KCNK18: variants seen among roughly 807,000 people sequenced by gnomAD.
KCNK18 encodes the protein potassium channel subfamily K member 18.
A neutral mutation model predicts 11.8 loss-of-function variants in KCNK18; 8 were observed. The observed-to-expected ratio is 0.68, with a 90% confidence interval of 0.40 to 1.22. The LOEUF (loss-of-function observed/expected upper bound fraction) is 1.22. KCNK18 is among the 50% of genes most tolerant of loss of function. The pLI, the probability that KCNK18 is intolerant of heterozygous loss-of-function variation, is 0.01. For synonymous variants in KCNK18, 208 were observed against 185.8 expected (o/e 1.12, Z -0.97); for missense variants, 442 against 465.4 (o/e 0.95, Z 0.46).
intron 2 of KCNK18, among the ~76,000 whole-genome samples, chr10:117,206,334 A>G (rs1855075820): frequency 6.6e-6 from 1 of 152,036 alleles, no homozygotes. Context: ...TCTGCCTCTG[A>G]GGTCATATTA....
At chr10:117,206,176 G>A (rs984820351) in intron 2 of KCNK18, among the ~76,000 whole-genome samples, 4 of 152,070 alleles carry the variant, frequency 2.6e-5, no homozygotes, top group Non-Finnish European at 4.4e-5. Context: ...CCAGAAATTC[G>A]AAATCAGTTT....
intron 2 of KCNK18, among the ~76,000 whole-genome samples, chr10:117,202,737 C>T (rs981905661): frequency 1.3e-5 from 2 of 152,140 alleles, no homozygotes; most frequent in Non-Finnish European, 2.9e-5. Flanking sequence ...CCTAAATCAG[C>T]TGGGGGAGCA....
chr10:117,201,333 T>G (rs750776323), intron 2 of KCNK18, 46 bp downstream of exon 2: 4 of 1,604,042 alleles, frequency 2.5e-6, no homozygotes, highest in Non-Finnish European at 3.4e-6. Context: ...CTGTGAAGGG[T>G]GGGTTTCTGG....
intron 2 of KCNK18, among the ~76,000 whole-genome samples, chr10:117,208,759 A>G (rs1554948486): frequency 9.0e-6 from 1 of 111,616 alleles, no homozygotes; most frequent in South Asian, 3.0e-4. Context: ...TTTTTTTTTG[A>G]GATGGAGTCT....
intron 2 of KCNK18, among the ~76,000 whole-genome samples, chr10:117,204,541 T>G (rs920283001): frequency 2.0e-5 from 3 of 152,170 alleles, no homozygotes; most frequent in Non-Finnish European, 4.4e-5. Context: ...TGAGAAATGA[T>G]CTATTGCAAT....
intron 2 of KCNK18, among the ~76,000 whole-genome samples, chr10:117,202,863 G>A (rs1478957534): frequency 6.9e-6 from 1 of 144,512 alleles, no homozygotes; most frequent in African/African-American, 2.6e-5. Context: ...GCCCCCACGT[G>A]GTTTCTCCCA....
rs750157980 is a variant in KCNK18 at position 117,202,885 on chromosome 10, G to GTTTTTTTTT, written c.352+1598_352+1599insTTTTTTTTT. ...CGTGGTTTCTCCCATTTGCCTGAAT[G>GTTTTTTTTT]CTTTTTTTTTTTTTTTTTTTTTTGA... is the stretch of plus-strand genomic sequence containing the variant. On this transcript the variant is annotated intron_variant, in intron 2 of 2. Coordinates refer to ENST00000334549, the MANE Select transcript of KCNK18 (RefSeq NM_181840.1). Among the ~76,000 whole-genome samples, 191 of 111,238 alleles carry GTTTTTTTTT rather than the reference G, an allele frequency of 1.7e-3. 33 individuals are homozygous for GTTTTTTTTT. Among genetic ancestry groups the GTTTTTTTTT allele is most frequent in the Non-Finnish European group, 2.0e-3 (115 of 57,242 alleles). The allele number at this position is 111,238 out of a possible 152,430, so 73.0% of individuals were successfully genotyped here. A position where few individuals can be genotyped will look rare whatever the true frequency, so the allele number is the denominator to read the frequency against.
At chr10:117,202,915 G>A (rs1182819293) in intron 2 of KCNK18, among the ~76,000 whole-genome samples, 2 of 79,638 alleles carry the variant, frequency 2.5e-5, no homozygotes, top group Non-Finnish European at 5.4e-5. Flanking sequence ...TTTTGAGATG[G>A]AGTCTTGCTG....
chr10:117,198,240 C>A (rs1854972912), intron 1 of KCNK18, among the ~76,000 whole-genome samples: 1 of 152,150 alleles, frequency 6.6e-6, no homozygotes, highest in Non-Finnish European at 1.5e-5. Context: ...AACTCCTTTT[C>A]TGCTGTCTGG....
At chr10:117,204,288 A>G (rs984589764) in intron 2 of KCNK18, among the ~76,000 whole-genome samples, 2 of 145,258 alleles carry the variant, frequency 1.4e-5, no homozygotes, top group Non-Finnish European at 3.0e-5. Context: ...AAAAAAAAAG[A>G]AAAAAGAAAA....
intron 1 of KCNK18, among the ~76,000 whole-genome samples, chr10:117,200,899 T>G (rs363352): frequency 5.9e-5 from 9 of 151,928 alleles, no homozygotes; most frequent in Non-Finnish European, 1.3e-4. Context: ...TAAGCTCTGG[T>G]GGGACCCCCA....
chr10:117,206,739 C>T (rs114379456), intron 2 of KCNK18, among the ~76,000 whole-genome samples: 99 of 152,280 alleles, frequency 6.5e-4, no homozygotes, highest in African/African-American at 2.2e-3. Context: ...AGTTAGAAAA[C>T]CATATCCCTC....
chr10:117,198,257 G>T (rs1421881551), intron 1 of KCNK18, among the ~76,000 whole-genome samples: 1 of 152,168 alleles, frequency 6.6e-6, no homozygotes. Context: ...CTGGCTCAGC[G>T]GAGTGGGGAG....
chr10:117,198,260 G>C (rs1854973166), intron 1 of KCNK18, among the ~76,000 whole-genome samples: 1 of 152,150 alleles, frequency 6.6e-6, no homozygotes. Context: ...GCTCAGCGGA[G>C]TGGGGAGGTG....
chr10:117,207,004 C>T (rs1855083991), intron 2 of KCNK18, among the ~76,000 whole-genome samples: 1 of 152,134 alleles, frequency 6.6e-6, no homozygotes, highest in Admixed American at 6.5e-5. Flanking sequence ...AAAAATCTTT[C>T]CTGGGCCCAA....
rs757214780 is a variant in KCNK18 at position 117,209,875 on chromosome 10, C to T, written c.731C>T (p.Pro244Leu). Residue 244 changes from proline to leucine, a missense_variant, in exon 3 of 3, where the codon CCA becomes CTA. By Grantham distance (98) the Pro-to-Leu change is moderately conservative (BLOSUM62 -3). Transcript: ENST00000334549. The part of the protein sequence containing the change: ...LEKQNTLQLP[P>L]QAMERSNSCP... Reference sequence around the variant, plus strand: ...AAACAGAACACACTGCAACTGCCCCCACAAGCCATGGAGAGGAGTAACTCG... The same window carrying T: ...AAACAGAACACACTGCAACTGCCCCTACAAGCCATGGAGAGGAGTAACTCG... The T allele has an allele frequency of 2.5e-6, 4 of 1,614,216 alleles. No individual in the cohort carries two copies. Among genetic ancestry groups the T allele is most frequent in the Admixed American group, 3.3e-5 (2 of 60,024 alleles).
intron 1 of KCNK18, among the ~76,000 whole-genome samples, chr10:117,200,640 A>G (rs112630964): frequency 0.067 from 10,131 of 152,080 alleles, 548 homozygotes; most frequent in Admixed American, 0.16. Context: ...ACCCCGTCTC[A>G]ACTAAATATA....
Position 117,207,588 on chromosome 10 carries a change from C to T in KCNK18, c.353-1909C>T, listed in dbSNP as rs117233838. ...TGAATGAATGCACATAGTTAACTGA[C>T]GCTGCCATCAAATGGTACTTAGTGG... On this transcript the variant is annotated intron_variant, in intron 2 of 2. Transcript: ENST00000334549. 2.4e-4 allele frequency among the ~76,000 whole-genome samples: 36 copies of T among 152,310 alleles called. No individual in the cohort carries two copies. The East Asian group carries it at 6.6e-3, about 28-fold the overall frequency.
In KCNK18 at chr10:117,209,854, A is replaced by C; in HGVS notation, c.710A>C (p.Gln237Pro). ...LFERSHALEK[Q>P]NTLQLPPQAM... ...GAGAGATCTCATGCGCTAGAGAAAC[A>C]GAACACACTGCAACTGCCCCCACAA... Residue 237 changes from glutamine (Q) to proline (P), a missense_variant, in exon 3 of 3, where the codon CAG (glutamine) becomes CCG (proline). Coordinates refer to ENST00000334549, the MANE Select transcript of KCNK18 (RefSeq NM_181840.1). 1.2e-6 allele frequency: 2 copies of C among 1,614,212 alleles called. No homozygotes were observed. The highest frequency in any genetic ancestry group is 1.7e-6 in the Non-Finnish European group (2 of 1,180,032).
Sources: allele counts gnomAD v4.1 joint callset (sites outside exome capture counted in the v4.1 genomes callset), GRCh38; gene constraint gnomAD v4.1.1; transcripts MANE v1.5; gene names NCBI Gene and HGNC (gene_info 2026-07-23, HGNC 2026-07-21).